AGAP1: variants seen among roughly 807,000 people sequenced by gnomAD.
AGAP1 encodes the protein ArfGAP with GTPase domain, ankyrin repeat and PH domain 1, also known as arf-GAP with GTPase, ANK repeat and PH domain-containing protein 1.
In AGAP1, 29 loss-of-function variants were observed where a neutral mutation model predicts 105.3. The observed-to-expected ratio is 0.28, with a 90% CI of 0.21 to 0.38. The LOEUF (loss-of-function observed/expected upper bound fraction) is 0.38, where lower values mean the gene tolerates loss of function less well. AGAP1 is among the 10% of genes least tolerant of loss of function. The pLI is 1.00. For synonymous variants in AGAP1, 509 were observed against 485.9 expected, an observed-to-expected ratio of 1.05 and a Z score of -0.63; for missense variants, 998 against 1,165.1, an observed-to-expected ratio of 0.86 and a Z score of 2.09.
At chr2:235,932,752 T>C (rs1477044154) in intron 12 of AGAP1, among the ~76,000 whole-genome samples, 1 of 152,224 alleles carries the variant, frequency 6.6e-6, no homozygotes, top group Non-Finnish European at 1.5e-5. Context: ...ACTGAATAGC[T>C]CTTTCTGTTG....
chr2:236,035,539 G>T lies in AGAP1; in HGVS notation c.1646-1022G>T, dbSNP rs558020745. Among the ~76,000 whole-genome samples the T allele has an allele frequency of 6.6e-6, 1 of 152,294 alleles. No individual in the cohort carries two copies. The highest frequency in any genetic ancestry group is 2.1e-4 in the South Asian group (1 of 4,828). On this transcript the variant is annotated intron_variant, in intron 13 of 17. Coordinates refer to ENST00000304032, the MANE Select transcript of AGAP1 (RefSeq NM_001037131.3). The surrounding 1 kb of genome is among the most constrained non-coding windows in gnomAD (Gnocchi z 4.2). ...CTACTCAGGAGGCGAAGGCAGGCTCGCTTGAGCCTGGGAGGTGGAAGATAT... is the reference window on the plus strand; with the variant it reads ...CTACTCAGGAGGCGAAGGCAGGCTCTCTTGAGCCTGGGAGGTGGAAGATAT...
Position 235,752,051 on chromosome 2 carries a change from C to T in AGAP1, c.673+1563C>T, listed in dbSNP as rs1196667278. ...CCTTAGAGCTCTTCTGAGAGGTGCACCCTAATGGAGCAAGGTCACTGTCGG... is the reference window on the plus strand; with the variant it reads ...CCTTAGAGCTCTTCTGAGAGGTGCATCCTAATGGAGCAAGGTCACTGTCGG... On this transcript the variant is annotated intron_variant, in intron 6 of 17. Coordinates refer to ENST00000304032, the MANE Select transcript of AGAP1 (RefSeq NM_001037131.3). This position sits in a 1 kb window ranked among gnomAD's most constrained non-coding sequence, Gnocchi z 4.3. Among the ~76,000 whole-genome samples, 1 of 152,174 alleles carries T rather than the reference C, an allele frequency of 6.6e-6. No homozygotes were observed. The highest frequency in any genetic ancestry group is 2.4e-5 in the African/African-American group (1 of 41,438).
At chr2:236,060,067 G>A (rs2058149139) in intron 16 of AGAP1, among the ~76,000 whole-genome samples, 1 of 152,130 alleles carries the variant, frequency 6.6e-6, no homozygotes, top group Admixed American at 6.5e-5. Flanking sequence ...CTCCAGCCTG[G>A]GTGACAGAGC....
intron 10 of AGAP1, among the ~76,000 whole-genome samples, chr2:235,890,180 TAAGACA>T (rs2050467906): frequency 2.0e-5 from 3 of 150,594 alleles, no homozygotes; most frequent in African/African-American, 4.9e-5. Context: ...TTTTTTTTTT[TAAGACA>T]GTCTTACTCT....
intron 13 of AGAP1, among the ~76,000 whole-genome samples, chr2:236,019,708 G>A (rs1412103400): frequency 6.6e-6 from 1 of 152,202 alleles, no homozygotes; most frequent in Non-Finnish European, 1.5e-5. Flanking sequence ...GGATTCTTTT[G>A]GGACCAGTAC....
intron 1 of AGAP1, among the ~76,000 whole-genome samples, chr2:235,518,905 C>T (rs928631203): frequency 6.6e-6 from 1 of 152,144 alleles, no homozygotes; most frequent in African/African-American, 2.4e-5. Flanking sequence ...AGTCTCCTGT[C>T]CTTGGGCCTC....
intron 9 of AGAP1, among the ~76,000 whole-genome samples, chr2:235,838,500 T>A (rs1960431883): frequency 6.6e-6 from 1 of 152,154 alleles, no homozygotes; most frequent in African/African-American, 2.4e-5. Flanking sequence ...TCAAAATAAT[T>A]TGCTCCAAAA....
intron 16 of AGAP1, among the ~76,000 whole-genome samples, chr2:236,052,299 G>A (rs1168543474): frequency 2.0e-5 from 3 of 152,054 alleles, no homozygotes; most frequent in African/African-American, 4.8e-5. Flanking sequence ...TTAGAAATGC[G>A]TCGTTCAGCC....
intron 11 of AGAP1, among the ~76,000 whole-genome samples, chr2:235,929,182 T>C (rs1307934102): frequency 1.3e-5 from 2 of 151,752 alleles, no homozygotes; most frequent in African/African-American, 4.8e-5. Context: ...CGTGGTGGAG[T>C]TTTGATTGTG....
chr2:236,116,744 C>A (rs552837354), intron 16 of AGAP1, among the ~76,000 whole-genome samples: 2 of 150,252 alleles, frequency 1.3e-5, no homozygotes, highest in East Asian at 4.0e-4. Context: ...TTATCCCTCG[C>A]CCCCCTCCCA....
rs1043956203 is a variant in AGAP1, at chr2:235,753,934, G to A, written c.673+3446G>A. On this transcript the variant is annotated intron_variant, in intron 6 of 17. Coordinates refer to ENST00000304032, the MANE Select transcript of AGAP1 (RefSeq NM_001037131.3). This position sits in a 1 kb window ranked among gnomAD's most constrained non-coding sequence, Gnocchi z 4.5. ...AATCACAAACACTCTCATTGTTAGT[G>A]AGAAAAGTAGTTGCTGAGTAGGAGC... 2.0e-5 allele frequency among the ~76,000 whole-genome samples: 3 copies of A among 152,154 alleles called. No homozygotes were observed. Among genetic ancestry groups the A allele is most frequent in the Non-Finnish European group, 4.4e-5 (3 of 68,038 alleles).
At chr2:236,112,293 G>A (rs1467426293) in intron 16 of AGAP1, among the ~76,000 whole-genome samples, 3 of 152,056 alleles carry the variant, frequency 2.0e-5, no homozygotes, top group East Asian at 1.9e-4. Flanking sequence ...GCACGTGCCT[G>A]TAATCCCAGC....
At chr2:235,654,617 C>T (rs566171046) in intron 1 of AGAP1, among the ~76,000 whole-genome samples, 7 of 152,322 alleles carry the variant, frequency 4.6e-5, no homozygotes, top group South Asian at 2.1e-4. Context: ...GATCTCAAGA[C>T]GGTGACACAT....
At chr2:236,057,165 G>C (rs2058073318) in intron 16 of AGAP1, among the ~76,000 whole-genome samples, 1 of 152,198 alleles carries the variant, frequency 6.6e-6, no homozygotes, top group Non-Finnish European at 1.5e-5. Flanking sequence ...CTAGAGTGCA[G>C]TGGTGCAATC....
At chr2:235,853,314 A>G in intron 9 of AGAP1, 1 of 764,578 alleles carries the variant, frequency 1.3e-6, no homozygotes, top group Non-Finnish European at 1.6e-6. Context: ...AGGTTGAGTG[A>G]GGAATTGTTT....
Position 235,824,273 on chromosome 2 carries a change from C to T in AGAP1, c.1050+16942C>T, listed in dbSNP as rs961719293. On this transcript the variant is annotated intron_variant, in intron 9 of 17. Transcript: ENST00000304032. This position sits in a 1 kb window ranked among gnomAD's most constrained non-coding sequence, Gnocchi z 5.2. ...AATACAGAAATCCTCTAAGTGTATT[C>T]GAAAGCAGTTGTTTGTAATTGGAGT... Among the ~76,000 whole-genome samples, 15 of 152,154 alleles carry T rather than the reference C, an allele frequency of 9.9e-5. No individual in the cohort carries two copies. The highest frequency in any genetic ancestry group is 4.1e-4 in the South Asian group (2 of 4,822).
chr2:236,049,191 A>T lies in AGAP1; in HGVS notation c.2024A>T (p.Lys675Met). The T allele has an allele frequency of 6.2e-7, 1 of 1,614,220 alleles. No individual in the cohort carries two copies. Among genetic ancestry groups the T allele is most frequent in the Non-Finnish European group, 8.5e-7 (1 of 1,180,044 alleles). Reference protein sequence around the residue: ...DLDDWPVELIKVMSSIGNELA... With the variant: ...DLDDWPVELIMVMSSIGNELA... ...GATGACTGGCCAGTCGAGCTCATCA[A>T]GGTGATGTCATCCATCGGGAACGAG... The change falls in exon 16 of 18, where the codon AAG (lysine) becomes ATG (methionine). Residue 675 changes from lysine to methionine, a missense_variant. Lys to Met is a moderately conservative substitution (Grantham distance 95). Transcript: ENST00000304032.
Position 235,968,649 on chromosome 2 carries a change from G to A in AGAP1, c.1645+26G>A. The A allele has an allele frequency of 4.4e-6, 7 of 1,585,798 alleles. No homozygotes were observed. In the Admixed American group the frequency reaches 9.6e-5, roughly 22 times the overall value. ...GTAAGGGTTCCGCGGTGCCCCGGGA[G>A]AGAGTCTCCACTGCGGAAAATTCTC... On this transcript the variant is annotated intron_variant, in intron 13 of 17. Transcript: ENST00000304032.
chr2:235,641,315 C>CTCTTTCTCTG (rs1360400276), intron 1 of AGAP1, among the ~76,000 whole-genome samples: 1 of 150,730 alleles, frequency 6.6e-6, no homozygotes, highest in Non-Finnish European at 1.5e-5. Context: ...CTCTCTCTTT[C>CTCTTTCTCTG]TCTTTCTCCT....
Sources: gnomAD v4.1 joint callset for allele counts (sites outside exome capture counted in the v4.1 genomes callset) on GRCh38, gnomAD v4.1.1 for gene constraint, Gnocchi (gnomAD v3.1) non-coding constraint, MANE v1.5 for transcripts, NCBI Gene and HGNC (gene_info 2026-07-23, HGNC 2026-07-21) for gene names.